The following MID2 variants were observed in gnomAD, a reference collection of about 807,000 sequenced individuals.
MID2 encodes midline 2.
MID2 carries 13 observed loss-of-function variants against 46.1 expected under a neutral mutation model. The observed-to-expected ratio is 0.28, with a 90% CI of 0.18 to 0.45. MID2 has a LOEUF of 0.45. MID2 is among the 20% of genes least tolerant of loss of function. The pLI, the probability that MID2 is intolerant of heterozygous loss-of-function variation, is 1.00. For missense variants in MID2, 431 were observed against 575.4 expected, an observed-to-expected ratio of 0.75 and a Z score of 2.57; for synonymous variants, 199 against 212.3, an observed-to-expected ratio of 0.94 and a Z score of 0.55.
intron 3 of MID2, among the ~76,000 whole-genome samples, chrX:107,890,612 G>A (rs1043525518): frequency 2.7e-5 from 3 of 112,259 alleles, no homozygotes; most frequent in Non-Finnish European, 5.6e-5. Flanking sequence ...ATCTCCAGCT[G>A]TGTGCTGGGA....
Position 107,826,244 on chromosome X carries a change from G to T in MID2, c.-183G>T. On this transcript the variant is annotated 5_prime_UTR_variant, in exon 1 of 10. Coordinates refer to ENST00000262843, the MANE Select transcript of MID2 (RefSeq NM_012216.4). Reference sequence around the variant, plus strand: ...CGGGCTGGCGGATCCCGGCTGCTGCGCGGCGTCGGCGACGGTAGCGGCAGC... The same window carrying T: ...CGGGCTGGCGGATCCCGGCTGCTGCTCGGCGTCGGCGACGGTAGCGGCAGC... The T allele has an allele frequency of 2.6e-6, 1 of 391,232 alleles. No individual in the cohort carries two copies. The highest frequency in any genetic ancestry group is 3.8e-6 in the Non-Finnish European group (1 of 264,250). The allele number at this position is 391,232 out of a possible 1,213,427, so 32.2% of individuals were successfully genotyped here.
chrX:107,899,182 T>TCCC (rs779172580), intron 3 of MID2, among the ~76,000 whole-genome samples: 18 of 40,536 alleles, frequency 4.4e-4, no homozygotes, highest in African/African-American at 1.5e-3. Flanking sequence ...CCCCTCCCCC[T>TCCC]CCCCCCCCCC....
At chrX:107,890,754 G>A (rs1017352365) in intron 3 of MID2, among the ~76,000 whole-genome samples, 2 of 111,735 alleles carry the variant, frequency 1.8e-5, no homozygotes, top group African/African-American at 6.5e-5. Flanking sequence ...CTTGAGCTGC[G>A]GTGGGCTCCA....
At chrX:107,911,420 CCTT>C (rs779074263) in intron 5 of MID2, among the ~76,000 whole-genome samples, 12 of 111,690 alleles carry the variant, frequency 1.1e-4, no homozygotes, top group South Asian at 3.8e-4. Context: ...TTCATTAAAT[CCTT>C]CTATTGAAAT....
chrX:107,886,277 T>C (rs1174689302), intron 3 of MID2, among the ~76,000 whole-genome samples: 1 of 112,284 alleles, frequency 8.9e-6, no homozygotes, highest in African/African-American at 3.2e-5. Flanking sequence ...AAGTCTTTAA[T>C]CCATCTTGAA....
At chrX:107,828,315 T>TC (rs1931008178) in intron 1 of MID2, among the ~76,000 whole-genome samples, 1 of 100,887 alleles carries the variant, frequency 9.9e-6, no homozygotes, top group East Asian at 2.9e-4. Context: ...CTTTTCTTTT[T>TC]TTTTTTTTTT....
At chrX:107,828,586 G>A (rs759204490) in intron 1 of MID2, among the ~76,000 whole-genome samples, 12 of 111,814 alleles carry the variant, frequency 1.1e-4, no homozygotes, top group Middle Eastern at 4.6e-3. Context: ...GATTACAGGC[G>A]AGAGCGACAA....
At chrX:107,833,424 TA>T (rs1931134268) in intron 1 of MID2, among the ~76,000 whole-genome samples, 1 of 101,744 alleles carries the variant, frequency 9.8e-6, no homozygotes, top group African/African-American at 3.8e-5. Flanking sequence ...TATATATATA[TA>T]TATATTTTTT....
At chrX:107,877,368 GA>G (rs760101557) in intron 3 of MID2, among the ~76,000 whole-genome samples, 1 of 112,034 alleles carries the variant, frequency 8.9e-6, no homozygotes, top group African/African-American at 3.2e-5. Context: ...AGTGATTCAG[GA>G]TACCCTCCAG....
chrX:107,862,000 A>AGG (rs1487040674), intron 3 of MID2, among the ~76,000 whole-genome samples: 38 of 112,140 alleles, frequency 3.4e-4, no homozygotes, highest in Admixed American at 2.8e-4. Flanking sequence ...TTGAACACAT[A>AGG]CTTTTTCTGA....
At chrX:107,846,515 C>T (rs753814230) in intron 2 of MID2, among the ~76,000 whole-genome samples, 3 of 110,532 alleles carry the variant, frequency 2.7e-5, no homozygotes, top group Admixed American at 1.9e-4. Flanking sequence ...TTAACTGTTC[C>T]AGACTTGCTC....
At chrX:107,879,396 G>C (rs1932272673) in intron 3 of MID2, among the ~76,000 whole-genome samples, 1 of 112,003 alleles carries the variant, frequency 8.9e-6, no homozygotes, top group Non-Finnish European at 1.9e-5. Flanking sequence ...CTGTAGTCCA[G>C]CCATCCCCGA....
chrX:107,866,739 A>C (rs1302853512), intron 3 of MID2, among the ~76,000 whole-genome samples: 1 of 112,232 alleles, frequency 8.9e-6, no homozygotes, highest in Non-Finnish European at 1.9e-5. Flanking sequence ...AATATAAAAT[A>C]ATTTAAACTG....
At chrX:107,850,409 A>G (rs1931587296) in intron 2 of MID2, among the ~76,000 whole-genome samples, 1 of 111,950 alleles carries the variant, frequency 8.9e-6, no homozygotes, top group African/African-American at 3.3e-5. Flanking sequence ...TATGTTCATT[A>G]TTGAGAATAA....
intron 3 of MID2, among the ~76,000 whole-genome samples, chrX:107,872,460 G>T (rs773730996): frequency 1.8e-5 from 2 of 112,432 alleles, no homozygotes; most frequent in South Asian, 7.4e-4. Flanking sequence ...TCCATGGAAG[G>T]TTAATTATTA....
intron 3 of MID2, among the ~76,000 whole-genome samples, chrX:107,899,015 T>G (rs1400398082): frequency 3.6e-5 from 4 of 111,160 alleles, no homozygotes; most frequent in African/African-American, 1.3e-4. Flanking sequence ...TCTGAACTCC[T>G]GTGCAATGAT....
chrX:107,876,285 A>G (rs774397563), intron 3 of MID2, among the ~76,000 whole-genome samples: 82 of 111,352 alleles, frequency 7.4e-4, no homozygotes, highest in Non-Finnish European at 1.2e-3. Context: ...TCACTAAAGT[A>G]CTATCTGGTC....
chrX:107,892,103 C>T (rs1932618905), intron 3 of MID2, among the ~76,000 whole-genome samples: 1 of 112,060 alleles, frequency 8.9e-6, no homozygotes, highest in African/African-American at 3.2e-5. Flanking sequence ...GTGAATCCAT[C>T]CCTCAGAAAC....
At position 107,841,223 on chromosome X, in the gene MID2, A is replaced by C. The variant is rs1931338752; in HGVS notation, c.558A>C (p.Pro186=). 1.7e-6 allele frequency: 2 copies of C among 1,209,929 alleles called. No individual in the cohort carries two copies. Among genetic ancestry groups the C allele is most frequent in the Admixed American group, 4.4e-5 (2 of 45,804 alleles). ...GCCACCGCCTGGTGGAACCAGTGCC[A>C]GACACACATCTTCGAGGGATCACCT... is the stretch of plus-strand genomic sequence containing the variant. ...FTSHRLVEPV[P]DTHLRGITCL... is the part of the protein sequence containing the mutation. The change falls in exon 2 of 10, where the codon CCA becomes CCC. Residue 186 remains proline, a synonymous_variant. Transcript: ENST00000262843.
Sources: allele counts gnomAD v4.1 joint callset (sites outside exome capture counted in the v4.1 genomes callset), GRCh38; gene constraint gnomAD v4.1.1; transcripts MANE v1.5; gene names NCBI Gene and HGNC (gene_info 2026-07-23, HGNC 2026-07-21).